PAK3: variants seen among roughly 807,000 people sequenced by gnomAD.
PAK3 encodes p21 (RAC1) activated kinase 3.
Under a neutral mutation model 41.0 loss-of-function variants are expected in PAK3, and 4 were observed. The ratio of observed to expected loss-of-function variants is 0.10; its 90% CI spans 0.05 to 0.22. PAK3 has a LOEUF of 0.22. Ranked by LOEUF, PAK3 falls within the 10% of genes least tolerant of loss-of-function variation. The pLI, the probability that PAK3 is intolerant of heterozygous loss-of-function variation, is 1.00. For missense variants in PAK3, 205 were observed against 409.9 expected, an observed-to-expected ratio of 0.50 and a Z score of 4.32; for synonymous variants, 146 against 139.6, an observed-to-expected ratio of 1.05 and a Z score of -0.32.
intron 4 of PAK3, among the ~76,000 whole-genome samples, chrX:111,110,441 G>C (rs748274664): frequency 8.9e-6 from 1 of 112,092 alleles, no homozygotes; most frequent in Non-Finnish European, 1.9e-5. Flanking sequence ...AATTTGAACT[G>C]AGCATAATCC....
chrX:111,195,455 T>A (rs1448952980), intron 14 of PAK3, among the ~76,000 whole-genome samples: 1 of 112,036 alleles, frequency 8.9e-6, no homozygotes. Flanking sequence ...ATTCCTGGGT[T>A]TCATGCCAGA....
At chrX:111,212,654 G>C (rs756456394) in intron 16 of PAK3, among the ~76,000 whole-genome samples, 5 of 112,046 alleles carry the variant, frequency 4.5e-5, no homozygotes, top group African/African-American at 1.6e-4. Context: ...AATAGTCTGG[G>C]TTTTTGTTTC....
At chrX:111,196,855 T>TTTCTTTC (rs201469513) in intron 16 of PAK3, among the ~76,000 whole-genome samples, 1 of 70,685 alleles carries the variant, frequency 1.4e-5, no homozygotes, top group African/African-American at 1.3e-4. Context: ...TCTTTCTTTC[T>TTTCTTTC]TTTTTTTTTT....
chrX:111,101,793 G>T (rs894659416), intron 3 of PAK3, among the ~76,000 whole-genome samples: 6 of 112,200 alleles, frequency 5.3e-5, no homozygotes, highest in African/African-American at 1.9e-4. Flanking sequence ...TGGAAAGGCT[G>T]CCTGGAGTGT....
chrX:110,960,242 A>G (rs1195825594), intron 1 of PAK3, among the ~76,000 whole-genome samples: 1 of 112,267 alleles, frequency 8.9e-6, no homozygotes, highest in East Asian at 2.8e-4. Flanking sequence ...CCTGCCCTCC[A>G]GAAGCTCATT....
intron 1 of PAK3, among the ~76,000 whole-genome samples, chrX:110,952,958 T>G (rs1360124936): frequency 8.9e-6 from 1 of 112,153 alleles, no homozygotes; most frequent in East Asian, 2.8e-4. Flanking sequence ...AATTTAAAAT[T>G]GAAACATCAT....
chrX:111,173,119 C>T (rs770660378), intron 11 of PAK3, 38 bp downstream of exon 11: 3 of 648,356 alleles, frequency 4.6e-6, no homozygotes, highest in East Asian at 3.3e-5. Context: ...AAGATGAGTA[C>T]AAGCAACATA....
chrX:111,155,053 G>GA (rs1176834125), intron 8 of PAK3, among the ~76,000 whole-genome samples: 3 of 107,422 alleles, frequency 2.8e-5, no homozygotes, highest in African/African-American at 6.8e-5. Context: ...CATTAAGTTA[G>GA]AAAAAAAAAT....
chrX:110,947,991 G>A (rs978481891), intron 1 of PAK3, among the ~76,000 whole-genome samples: 2 of 112,050 alleles, frequency 1.8e-5, no homozygotes, highest in African/African-American at 6.5e-5. Context: ...GTAAACTCAA[G>A]GTTATTATTA....
intron 1 of PAK3, among the ~76,000 whole-genome samples, chrX:110,954,173 T>C (rs1462405256): frequency 8.9e-6 from 1 of 111,820 alleles, no homozygotes; most frequent in East Asian, 2.8e-4. Context: ...GCCCCACTAT[T>C]TCCTTCTGCG....
chrX:111,176,676 C>CA (rs1215769408), intron 11 of PAK3, among the ~76,000 whole-genome samples: 6 of 110,325 alleles, frequency 5.4e-5, no homozygotes, highest in Non-Finnish European at 1.1e-4. Context: ...GGCCTCACCA[C>CA]ATCTGATTCC....
At chrX:111,184,624 C>T (rs2094492411) in intron 11 of PAK3, among the ~76,000 whole-genome samples, 2 of 107,106 alleles carry the variant, frequency 1.9e-5, no homozygotes, top group Non-Finnish European at 3.9e-5. Flanking sequence ...TTGTTCAACT[C>T]CCACTTATGA....
At chrX:111,182,621 C>T (rs1569449541) in intron 11 of PAK3, among the ~76,000 whole-genome samples, 1 of 110,559 alleles carries the variant, frequency 9.0e-6, no homozygotes, top group Non-Finnish European at 1.9e-5. Context: ...TAACATCATT[C>T]CTGAGCCCCA....
At chrX:111,131,465 C>T (rs1017410076) in intron 5 of PAK3, among the ~76,000 whole-genome samples, 7 of 111,243 alleles carry the variant, frequency 6.3e-5, no homozygotes, top group South Asian at 7.5e-4. Flanking sequence ...CTGTCAGTTG[C>T]TTTAAATACT....
At chrX:111,201,549 G>C (rs756142354) in intron 16 of PAK3, among the ~76,000 whole-genome samples, 5 of 111,578 alleles carry the variant, frequency 4.5e-5, no homozygotes, top group Non-Finnish European at 9.4e-5. Flanking sequence ...AGAGGTAGAA[G>C]GAAGGAAGTG....
intron 1 of PAK3, among the ~76,000 whole-genome samples, chrX:111,072,603 A>C (rs1394713458): frequency 1.8e-5 from 2 of 112,691 alleles, no homozygotes; most frequent in Non-Finnish European, 3.7e-5. Context: ...GAGTGAATTG[A>C]TATTCTGACA....
In PAK3 at chrX:111,106,123, C is replaced by T. The variant is rs772265569; in HGVS notation, c.-28+2817C>T. ...ACCCCCTCACACACCATCCCCCACT[C>T]GTACATCACACATTTTCACACTGGC... On this transcript the variant is annotated intron_variant, in intron 4 of 17. Coordinates refer to ENST00000372007, the MANE Select transcript of PAK3 (RefSeq NM_002578.5). Among the ~76,000 whole-genome samples the T allele has an allele frequency of 7.2e-5, 8 of 110,908 alleles. No homozygotes were observed. The South Asian group carries it at 2.4e-3, about 33-fold the overall frequency.
chrX:110,957,430 G>C (rs2090884914), intron 1 of PAK3, among the ~76,000 whole-genome samples: 2 of 112,023 alleles, frequency 1.8e-5, no homozygotes, highest in Admixed American at 1.9e-4. Context: ...TACTAATAGA[G>C]ATATCTGTAG....
At chrX:111,200,017 GCA>G (rs1463044900) in intron 16 of PAK3, among the ~76,000 whole-genome samples, 1 of 110,945 alleles carries the variant, frequency 9.0e-6, no homozygotes, top group East Asian at 2.8e-4. Context: ...AAGAAAATAT[GCA>G]CAGATTCAAA....
Sources: gnomAD v4.1 joint callset for allele counts (sites outside exome capture counted in the v4.1 genomes callset) on GRCh38, gnomAD v4.1.1 for gene constraint, MANE v1.5 for transcripts, NCBI Gene and HGNC (gene_info 2026-07-23, HGNC 2026-07-21) for gene names.